Variants in ADAMTS17 observed in about 807,000 individuals in gnomAD.
The protein encoded by ADAMTS17 is A disintegrin and metalloproteinase with thrombospondin motifs 17.
In ADAMTS17, 113 loss-of-function variants were observed where a neutral mutation model predicts 141.5. That is an observed-to-expected ratio of 0.80 (90% CI 0.69 to 0.93). The LOEUF is 0.93. Among genes scored for constraint, ADAMTS17 ranks in the 40% least tolerant of loss-of-function variants. ADAMTS17 has a pLI of 0.00. For missense variants in ADAMTS17, 1,659 were observed against 1,517.9 expected, an observed-to-expected ratio of 1.09 and a Z score of -1.54; for synonymous variants, 768 against 630.6, an observed-to-expected ratio of 1.22 and a Z score of -3.27.
intron 10 of ADAMTS17, among the ~76,000 whole-genome samples, chr15:100,140,480 C>CATAGATATATATATATATAT (rs1466321506): frequency 3.7e-5 from 2 of 53,808 alleles, no homozygotes; most frequent in Admixed American, 4.6e-4. Context: ...GACACACACA[C>CATAGATATATATATATATAT]ATACATACAT....
At chr15:100,316,964 G>C (rs1410347550) in intron 3 of ADAMTS17, among the ~76,000 whole-genome samples, 2 of 152,206 alleles carry the variant, frequency 1.3e-5, no homozygotes, top group Non-Finnish European at 2.9e-5. Flanking sequence ...TACAGTATCT[G>C]ACAGGCTCCA....
intron 3 of ADAMTS17, among the ~76,000 whole-genome samples, chr15:100,303,993 G>A (rs1023941641): frequency 6.6e-6 from 1 of 152,182 alleles, no homozygotes; most frequent in Admixed American, 6.5e-5. Flanking sequence ...CAAAGCGCTG[G>A]GATTACAGGC....
intron 18 of ADAMTS17, among the ~76,000 whole-genome samples, chr15:100,008,762 G>T (rs2061093042): frequency 6.6e-6 from 1 of 152,170 alleles, no homozygotes; most frequent in African/African-American, 2.4e-5. Context: ...GAAAAAACAG[G>T]CCCACACCTA....
chr15:100,021,318 T>C (rs750511382), intron 18 of ADAMTS17, among the ~76,000 whole-genome samples: 64 of 152,156 alleles, frequency 4.2e-4, no homozygotes, highest in African/African-American at 1.4e-4. Context: ...GGTTAGGATC[T>C]GGGCGTCATC....
chr15:99,995,713 C>T (rs532280325), intron 19 of ADAMTS17, among the ~76,000 whole-genome samples: 2 of 152,322 alleles, frequency 1.3e-5, no homozygotes, highest in East Asian at 1.9e-4. Context: ...CTGCTTCCAG[C>T]GGAAGACAGT....
intron 15 of ADAMTS17, among the ~76,000 whole-genome samples, chr15:100,082,498 G>A (rs2034810896): frequency 6.6e-6 from 1 of 151,476 alleles, no homozygotes; most frequent in Non-Finnish European, 1.5e-5. Context: ...CAATCCTCCT[G>A]CCCCCGCTTC....
chr15:100,061,730 G>A (rs532489471), intron 15 of ADAMTS17, among the ~76,000 whole-genome samples: 4 of 152,338 alleles, frequency 2.6e-5, no homozygotes, highest in East Asian at 1.9e-4. Flanking sequence ...AGCCGGGGTC[G>A]GAAGCCAAGG....
intron 3 of ADAMTS17, among the ~76,000 whole-genome samples, chr15:100,288,338 T>C (rs1189016152): frequency 6.6e-6 from 1 of 152,196 alleles, no homozygotes. Context: ...CAAATATATA[T>C]GCACCCAACA....
intron 10 of ADAMTS17, among the ~76,000 whole-genome samples, chr15:100,136,972 C>T (rs1376406686): frequency 1.3e-5 from 2 of 152,168 alleles, no homozygotes; most frequent in African/African-American, 2.4e-5. Context: ...GTGAGTGATG[C>T]TGATACAGAC....
In ADAMTS17 at chr15:100,121,854, C is replaced by G. The variant is rs547369096; in HGVS notation, c.1722-4841G>C. The stretch of plus-strand genomic sequence containing the variant: ...CCTGTGGACAGCATTCTCCTGTACT[C>G]CAGTGGGTAGCTTCCAAGCACACCA... On this transcript the variant is annotated intron_variant, in intron 12 of 21. Transcript: ENST00000268070. Among the ~76,000 whole-genome samples, 4 of 152,240 alleles carry G rather than the reference C, an allele frequency of 2.6e-5. No homozygotes were observed. The South Asian group carries it at 8.3e-4, about 32-fold the overall frequency.
intron 18 of ADAMTS17, among the ~76,000 whole-genome samples, chr15:100,020,882 T>C (rs1316907331): frequency 6.6e-6 from 1 of 152,190 alleles, no homozygotes; most frequent in Non-Finnish European, 1.5e-5. Flanking sequence ...TTAGTACAGA[T>C]GACAGCTTTG....
chr15:100,340,206 C>G (rs972006467), intron 2 of ADAMTS17, among the ~76,000 whole-genome samples: 1 of 152,208 alleles, frequency 6.6e-6, no homozygotes, highest in Non-Finnish European at 1.5e-5. Context: ...CTCGTCTGGG[C>G]GCCAGTGTAG....
Position 100,341,237 on chromosome 15 carries a change from G to A in ADAMTS17, c.252C>T (p.His84=). 2 of 1,406,766 alleles carry A rather than the reference G, an allele frequency of 1.4e-6. No homozygotes were observed. Among genetic ancestry groups the A allele is most frequent in the South Asian group, 2.9e-5 (2 of 70,060 alleles). 87.1% of individuals were successfully genotyped at this position (1,406,766 alleles called of 1,614,324 possible). The change falls in exon 2 of 22, where the codon CAC becomes CAT. Residue 84 remains histidine, a synonymous_variant. Coordinates refer to ENST00000268070, the MANE Select transcript of ADAMTS17 (RefSeq NM_139057.4). ...ACAGGTCGCGCCCGAAGGCCGGCAG[G>A]TGCAGCAGCAGGGCGCGCTCTCCGG... is the stretch of plus-strand genomic sequence containing the variant. The part of the protein sequence containing the change: ...ARPGERALLL[H]LPAFGRDLYL...
chr15:100,239,741 G>A (rs2042771835), intron 7 of ADAMTS17, among the ~76,000 whole-genome samples: 1 of 152,202 alleles, frequency 6.6e-6, no homozygotes, highest in African/African-American at 2.4e-5. Context: ...GGGACATGGT[G>A]TGGCCAGGAG....
intron 3 of ADAMTS17, among the ~76,000 whole-genome samples, chr15:100,309,339 A>T (rs1250777859): frequency 6.6e-6 from 1 of 152,230 alleles, no homozygotes; most frequent in African/African-American, 2.4e-5. Flanking sequence ...AGACTGGGTG[A>T]CAGGGCGACA....
chr15:100,252,456 T>C (rs1010140845), intron 7 of ADAMTS17, among the ~76,000 whole-genome samples: 3 of 152,114 alleles, frequency 2.0e-5, no homozygotes, highest in African/African-American at 7.2e-5. Context: ...CGCCACACGA[T>C]TGAGAGATTA....
At chr15:100,219,469 C>A (rs766466218) in intron 7 of ADAMTS17, among the ~76,000 whole-genome samples, 3 of 152,282 alleles carry the variant, frequency 2.0e-5, no homozygotes, top group Middle Eastern at 3.4e-3. Flanking sequence ...CTCAAGAACA[C>A]TGAAGAACTT....
chr15:100,082,018 T>C (rs1270077385), intron 15 of ADAMTS17, among the ~76,000 whole-genome samples: 1 of 152,198 alleles, frequency 6.6e-6, no homozygotes. Flanking sequence ...GTTGCAAAAA[T>C]TGTCAGTCTA....
chr15:100,056,708 G>A (rs2032602303), intron 15 of ADAMTS17, among the ~76,000 whole-genome samples: 1 of 152,074 alleles, frequency 6.6e-6, no homozygotes, highest in Admixed American at 6.6e-5. Flanking sequence ...GCAACCTGGG[G>A]TCTGGGGACT....
Sources: allele counts gnomAD v4.1 joint callset (sites outside exome capture counted in the v4.1 genomes callset), GRCh38; gene constraint gnomAD v4.1.1; transcripts MANE v1.5; gene names NCBI Gene and HGNC (gene_info 2026-07-23, HGNC 2026-07-21).